KREMEN1: variants seen among roughly 807,000 people sequenced by gnomAD.
The protein encoded by KREMEN1 is kremen protein 1.
KREMEN1 carries 30 observed loss-of-function variants against 46.5 expected under a neutral mutation model. That is an observed-to-expected ratio of 0.65 (90% CI 0.48 to 0.88). KREMEN1 has a LOEUF of 0.88. Ranked by LOEUF, KREMEN1 falls within the 40% of genes least tolerant of loss-of-function variation. KREMEN1 has a pLI of 0.00. For missense variants in KREMEN1, 533 were observed against 596.9 expected (o/e 0.89, Z 1.11); for synonymous variants, 214 against 230.6 (o/e 0.93, Z 0.65).
intron 9 of KREMEN1, among the ~76,000 whole-genome samples, chr22:29,156,209 C>T (rs2038959877): frequency 6.6e-6 from 1 of 152,230 alleles, no homozygotes; most frequent in Non-Finnish European, 1.5e-5. Context: ...CCCTGAGCCA[C>T]TCCTGGAGAC....
intron 9 of KREMEN1, among the ~76,000 whole-genome samples, chr22:29,154,952 A>G (rs994898608): frequency 6.6e-6 from 1 of 152,174 alleles, no homozygotes; most frequent in Non-Finnish European, 1.5e-5. Context: ...GAATTATTCT[A>G]CCTCCATACT....
chr22:29,165,582 C>T (rs1475013876), intron 9 of KREMEN1, among the ~76,000 whole-genome samples: 1 of 152,206 alleles, frequency 6.6e-6, no homozygotes, highest in African/African-American at 2.4e-5. Context: ...CTTCATGATC[C>T]TGTTCAATAA....
chr22:29,078,431 G>C (rs2037604886), intron 1 of KREMEN1, among the ~76,000 whole-genome samples: 1 of 150,496 alleles, frequency 6.6e-6, no homozygotes, highest in Non-Finnish European at 1.5e-5. Flanking sequence ...ATTTCTCAGA[G>C]GAAAGCCCAG....
chr22:29,094,352 C>A lies in KREMEN1; in HGVS notation c.192C>A (p.Phe64Leu). ...CATGTCTGTTTTGGAACGAGACTTTCCAGCATCCATACAACACTCTGAAAT... is the reference window on the plus strand; with the variant it reads ...CATGTCTGTTTTGGAACGAGACTTTACAGCATCCATACAACACTCTGAAAT... ...GKPCLFWNET[F>L]QHPYNTLKYP... Residue 64 changes from phenylalanine to leucine, a missense_variant, in exon 2 of 9, where the codon TTC becomes TTA. Physicochemically the swap from Phe to Leu is conservative, Grantham distance 22. Coordinates refer to ENST00000400335, the MANE Select transcript of KREMEN1 (RefSeq NM_001039570.3). The A allele has an allele frequency of 6.2e-7, 1 of 1,613,994 alleles. No homozygotes were observed. The highest frequency in any genetic ancestry group is 8.5e-7 in the Non-Finnish European group (1 of 1,179,970).
intron 1 of KREMEN1, among the ~76,000 whole-genome samples, chr22:29,079,347 C>T (rs1243759732): frequency 6.6e-6 from 1 of 152,260 alleles, no homozygotes; most frequent in African/African-American, 2.4e-5. Flanking sequence ...CCACCTCACA[C>T]GCAAAGTTGC....
At chr22:29,098,212 T>G (rs768853374) in intron 2 of KREMEN1, among the ~76,000 whole-genome samples, 54 of 152,120 alleles carry the variant, frequency 3.5e-4, no homozygotes, top group Non-Finnish European at 7.2e-4. Flanking sequence ...CATAAGACAT[T>G]GTGAATATAT....
chr22:29,137,819 G>A lies in KREMEN1; in HGVS notation c.964+145G>A, dbSNP rs1459547849. The A allele has an allele frequency of 5.4e-6, 3 of 552,480 alleles. No homozygotes were observed. In the East Asian group the frequency reaches 9.2e-5, roughly 17 times the overall value. 34.2% of individuals were successfully genotyped at this position (552,480 alleles called of 1,614,324 possible). A position where few individuals can be genotyped will look rare whatever the true frequency, so the allele number is the denominator to read the frequency against. On this transcript the variant is annotated intron_variant, in intron 6 of 8. Coordinates refer to ENST00000400335, the MANE Select transcript of KREMEN1 (RefSeq NM_001039570.3). Reference sequence around the variant, plus strand: ...TCAACTTGCAGATCACCCCGAGGCTGTGGCTCCTTCCCTACCCCCATTTCA... The same window carrying A: ...TCAACTTGCAGATCACCCCGAGGCTATGGCTCCTTCCCTACCCCCATTTCA...
rs773101661 is a variant in KREMEN1 at position 29,094,391 on chromosome 22, G to C, written c.231G>C (p.Glu77Asp). 6.2e-7 allele frequency: 1 copy of C among 1,613,492 alleles called. No homozygotes were observed. Among genetic ancestry groups the C allele is most frequent in the Non-Finnish European group, 8.5e-7 (1 of 1,179,800 alleles). The change falls in exon 2 of 9, where the codon GAG becomes GAC. Residue 77 changes from glutamate (E) to aspartate (D), a missense_variant. Transcript: ENST00000400335. Reference protein sequence around the residue: ...PYNTLKYPNGEGGLGEHNYCR... With the variant: ...PYNTLKYPNGDGGLGEHNYCR... Reference sequence around the variant, plus strand: ...ACACTCTGAAATACCCCAACGGGGAGGGGGGCCTGGGTGAGCACAACTATT... The same window carrying C: ...ACACTCTGAAATACCCCAACGGGGACGGGGGCCTGGGTGAGCACAACTATT...
chr22:29,150,053 C>T (rs533989448), downstream of KREMEN1, among the ~76,000 whole-genome samples: 466 of 152,258 alleles, frequency 3.1e-3, no homozygotes, highest in South Asian at 5.0e-3. Context: ...GGTCGGGTCC[C>T]GATGGGGGAT....
intron 3 of KREMEN1, among the ~76,000 whole-genome samples, chr22:29,112,925 A>G (rs1364134160): frequency 7.6e-6 from 1 of 132,206 alleles, no homozygotes; most frequent in African/African-American, 2.9e-5. Context: ...CTAGACTTCG[A>G]GCCACACTTT....
At chr22:29,131,748 G>GTATATATGTATA (rs1217805216) in intron 5 of KREMEN1, among the ~76,000 whole-genome samples, 11 of 130,292 alleles carry the variant, frequency 8.4e-5, no homozygotes, top group African/African-American at 1.3e-4. Flanking sequence ...GTATATATAT[G>GTATATATGTATA]TATATATGTA....
At chr22:29,118,523 C>A (rs1395319389) in intron 3 of KREMEN1, among the ~76,000 whole-genome samples, 1 of 152,162 alleles carries the variant, frequency 6.6e-6, no homozygotes, top group Non-Finnish European at 1.5e-5. Flanking sequence ...GGTCAAGGTG[C>A]TGGTGACTCA....
At chr22:29,086,564 C>A (rs987366959) in intron 1 of KREMEN1, among the ~76,000 whole-genome samples, 1 of 152,092 alleles carries the variant, frequency 6.6e-6, no homozygotes, top group Admixed American at 6.5e-5. Flanking sequence ...GGCCACATGC[C>A]CCTTTACTAC....
At chr22:29,090,996 A>G (rs911861196) in intron 1 of KREMEN1, among the ~76,000 whole-genome samples, 4 of 152,208 alleles carry the variant, frequency 2.6e-5, no homozygotes, top group African/African-American at 9.6e-5. Context: ...TTATTGAGAC[A>G]GAGTTTCACT....
At chr22:29,105,998 G>C (rs945707005) in intron 3 of KREMEN1, among the ~76,000 whole-genome samples, 1 of 152,196 alleles carries the variant, frequency 6.6e-6, no homozygotes, top group Non-Finnish European at 1.5e-5. Context: ...GATGTGAAAG[G>C]TTCCCATTAT....
intron 1 of KREMEN1, among the ~76,000 whole-genome samples, chr22:29,087,885 G>T (rs2049938): frequency 0.49 from 74,776 of 152,084 alleles, 19,138 homozygotes; most frequent in Middle Eastern, 0.62. Flanking sequence ...TATTTTAAAA[G>T]AATACCTTGT....
At chr22:29,078,583 T>C (rs2037608524) in intron 1 of KREMEN1, among the ~76,000 whole-genome samples, 1 of 152,242 alleles carries the variant, frequency 6.6e-6, no homozygotes, top group African/African-American at 2.4e-5. Flanking sequence ...TTAAAGTCGT[T>C]TTAAAAAATA....
Position 29,142,064 on chromosome 22 carries a change from C to G in KREMEN1, c.1329C>G (p.Leu443=), listed in dbSNP as rs765989334. The G allele has an allele frequency of 1.9e-6, 3 of 1,612,952 alleles. No homozygotes were observed. The highest frequency in any genetic ancestry group is 4.5e-5 in the East Asian group (2 of 44,756). ...STSISIFKKK[L]KGQSQQDDRN... is the part of the protein sequence containing the mutation. ...CAATTTCCATCTTTAAGAAGAAACTCAAGGGTCAGAGTCAACAAGATGACC... is the reference window on the plus strand; with the variant it reads ...CAATTTCCATCTTTAAGAAGAAACTGAAGGGTCAGAGTCAACAAGATGACC... The change falls in exon 9 of 9, where the codon CTC becomes CTG. Residue 443 remains leucine, a synonymous_variant. Transcript: ENST00000400335.
At chr22:29,168,139 A>T (rs1399400407) in exon 10 of KREMEN1, 1 of 152,298 alleles carries the variant, frequency 6.6e-6, no homozygotes, top group African/African-American at 2.4e-5. Context: ...ATTCGAGACC[A>T]GCCTGGCCAA....
Sources: allele counts gnomAD v4.1 joint callset (sites outside exome capture counted in the v4.1 genomes callset), GRCh38; gene constraint gnomAD v4.1.1; transcripts MANE v1.5; gene names NCBI Gene and HGNC (gene_info 2026-07-23, HGNC 2026-07-21).